The following RIMBP2 variants were observed in gnomAD, a reference collection of about 807,000 sequenced individuals.
The protein encoded by RIMBP2 is RIMS-binding protein 2.
A neutral mutation model predicts 118.6 loss-of-function variants in RIMBP2; 48 were observed. That is an observed-to-expected ratio of 0.40 (90% CI 0.32 to 0.51). The LOEUF (loss-of-function observed/expected upper bound fraction) is 0.51, where lower values mean the gene tolerates loss of function less well. RIMBP2 is among the 20% of genes least tolerant of loss of function. The probability of loss-of-function intolerance (pLI) is 0.41; values close to 1 mark genes in which losing one functional copy is unlikely to be tolerated. For missense variants in RIMBP2, 1,551 were observed against 1,768.3 expected (o/e 0.88, Z 2.20); for synonymous variants, 762 against 742.9 (o/e 1.03, Z -0.42).
At chr12:130,556,596 G>A (rs531662737) in intron 2 of RIMBP2, among the ~76,000 whole-genome samples, 3 of 152,380 alleles carry the variant, frequency 2.0e-5, no homozygotes, top group Admixed American at 2.0e-4. Flanking sequence ...CACATGGGGA[G>A]ACCCAGGCCA....
chr12:130,473,732 G>C (rs937134996), intron 5 of RIMBP2, among the ~76,000 whole-genome samples: 51 of 152,284 alleles, frequency 3.3e-4, no homozygotes, highest in African/African-American at 1.2e-3. Flanking sequence ...TAATACTCCA[G>C]GAGCACACAG....
intron 1 of RIMBP2, among the ~76,000 whole-genome samples, chr12:130,662,360 C>T (rs1046460018): frequency 3.9e-5 from 6 of 152,104 alleles, no homozygotes; most frequent in Non-Finnish European, 8.8e-5. Flanking sequence ...ACCTGGGAAG[C>T]TTTTAGGAAT....
At position 130,576,943 on chromosome 12, in the gene RIMBP2, G is replaced by A. The variant is rs554902119; in HGVS notation, c.-217+51379C>T. ...TTCTGGACAGAGATGGGGACAAAGA[G>A]AAGCGAAGGGGATGGCCCAGACCTT... On this transcript the variant is annotated intron_variant, in intron 2 of 22. Coordinates refer to ENST00000690449, the MANE Select transcript of RIMBP2 (RefSeq NM_001393629.1). This position sits in a 1 kb window ranked among gnomAD's most constrained non-coding sequence, Gnocchi z 4.2. Among the ~76,000 whole-genome samples, 1 of 152,336 alleles carries A rather than the reference G, an allele frequency of 6.6e-6. No individual in the cohort carries two copies. Among genetic ancestry groups the A allele is most frequent in the African/African-American group, 2.4e-5 (1 of 41,588 alleles).
At chr12:130,445,818 G>A (rs995820802) in intron 9 of RIMBP2, among the ~76,000 whole-genome samples, 2 of 152,176 alleles carry the variant, frequency 1.3e-5, no homozygotes, top group Non-Finnish European at 2.9e-5. Flanking sequence ...ATGTTGGGCA[G>A]TGAGGTTTCT....
At chr12:130,682,410 T>C (rs1226278830) in intron 1 of RIMBP2, among the ~76,000 whole-genome samples, 1 of 152,194 alleles carries the variant, frequency 6.6e-6, no homozygotes, top group East Asian at 1.9e-4. Context: ...AAGGGGGAAA[T>C]GAACGGGCTG....
intron 1 of RIMBP2, among the ~76,000 whole-genome samples, chr12:130,661,372 A>G (rs7965158): frequency 0.54 from 82,064 of 151,672 alleles, 22,801 homozygotes; most frequent in Non-Finnish European, 0.62. Flanking sequence ...AACTAGCCTC[A>G]GCATTGTTGT....
At chr12:130,403,514 G>T (rs1565981203) in intron 21 of RIMBP2, among the ~76,000 whole-genome samples, 1 of 152,154 alleles carries the variant, frequency 6.6e-6, no homozygotes, top group Admixed American at 6.6e-5. Context: ...TTCCTCTGAA[G>T]ATATGTAGAT....
chr12:130,552,850 C>T (rs1457168137), intron 2 of RIMBP2, among the ~76,000 whole-genome samples: 1 of 152,114 alleles, frequency 6.6e-6, no homozygotes, highest in African/African-American at 2.4e-5. Context: ...CAATAGTTAT[C>T]TCAGAGAAAA....
At chr12:130,407,358 G>C (rs987973969) in intron 20 of RIMBP2, among the ~76,000 whole-genome samples, 1 of 152,172 alleles carries the variant, frequency 6.6e-6, no homozygotes, top group Non-Finnish European at 1.5e-5. Context: ...TCTATGTGTG[G>C]GGCCTGACTG....
Position 130,677,350 on chromosome 12 carries a change from G to A in RIMBP2, c.-352+38872C>T, listed in dbSNP as rs545010700. On this transcript the variant is annotated intron_variant, in intron 1 of 22. Coordinates refer to ENST00000690449, the MANE Select transcript of RIMBP2 (RefSeq NM_001393629.1). Reference sequence around the variant, plus strand: ...TTCCATTAAGGTTATCTTTAGGGCCGGGTGCAGTGGCTCACAGCTGTAATC... The same window carrying A: ...TTCCATTAAGGTTATCTTTAGGGCCAGGTGCAGTGGCTCACAGCTGTAATC... Among the ~76,000 whole-genome samples the A allele has an allele frequency of 4.6e-5, 7 of 152,236 alleles. No individual in the cohort carries two copies. The South Asian group carries it at 6.2e-4, about 14-fold the overall frequency.
At chr12:130,413,176 G>A (rs149020050) in intron 18 of RIMBP2, among the ~76,000 whole-genome samples, 30 of 152,280 alleles carry the variant, frequency 2.0e-4, no homozygotes, top group Middle Eastern at 3.4e-3. Flanking sequence ...GGGTTCCTAC[G>A]TAACAAGATA....
intron 4 of RIMBP2, among the ~76,000 whole-genome samples, chr12:130,498,048 G>A (rs2049356581): frequency 6.6e-6 from 1 of 152,228 alleles, no homozygotes; most frequent in Admixed American, 6.5e-5. Context: ...GTGAGCCCCA[G>A]AGAAGCACCT....
At chr12:130,656,669 GT>G (rs2063442851) in intron 1 of RIMBP2, among the ~76,000 whole-genome samples, 1 of 152,050 alleles carries the variant, frequency 6.6e-6, no homozygotes, top group Admixed American at 6.5e-5. Flanking sequence ...CTCCACGTTT[GT>G]CTATCTCTGT....
intron 22 of RIMBP2, chr12:130,398,215 TTTACTC>T (rs981833487): frequency 2.6e-5 from 4 of 152,200 alleles, no homozygotes; most frequent in Non-Finnish European, 4.4e-5. Flanking sequence ...GGGGTAGACT[TTTACTC>T]TAATACGCTG....
At chr12:130,643,992 G>A (rs929041494) in intron 1 of RIMBP2, among the ~76,000 whole-genome samples, 1 of 152,210 alleles carries the variant, frequency 6.6e-6, no homozygotes, top group Non-Finnish European at 1.5e-5. Context: ...CAGAGACAGA[G>A]AGAGATCCCA....
At position 130,647,542 on chromosome 12, in the gene RIMBP2, G is replaced by A. The variant is rs768255514; in HGVS notation, c.-351-19086C>T. On this transcript the variant is annotated intron_variant, in intron 1 of 22. Transcript: ENST00000690449. Reference sequence around the variant, plus strand: ...TCACCTGCACCTAGACCTCAGCTACGGAGAGCGGAGGACTGAGCTCTGAGC... The same window carrying A: ...TCACCTGCACCTAGACCTCAGCTACAGAGAGCGGAGGACTGAGCTCTGAGC... Among the ~76,000 whole-genome samples, 10 of 144,696 alleles carry A rather than the reference G, an allele frequency of 6.9e-5. 1 individual carries two copies. The highest frequency in any genetic ancestry group is 2.1e-4 in the South Asian group (1 of 4,692). 94.9% of individuals were successfully genotyped at this position (144,696 alleles called of 152,430 possible).
chr12:130,476,748 T>A (rs1277333635), intron 5 of RIMBP2, among the ~76,000 whole-genome samples: 1 of 152,218 alleles, frequency 6.6e-6, no homozygotes, highest in African/African-American at 2.4e-5. Context: ...CTTGCCATCA[T>A]CTGGGCTTAC....
intron 1 of RIMBP2, among the ~76,000 whole-genome samples, chr12:130,674,952 C>T (rs1485850651): frequency 6.6e-6 from 1 of 152,198 alleles, no homozygotes; most frequent in Admixed American, 6.5e-5. Context: ...TTCCTTTTCG[C>T]GGCTGAATCA....
chr12:130,415,959 C>CCACACACA (rs34091063), intron 17 of RIMBP2, among the ~76,000 whole-genome samples: 93 of 81,570 alleles, frequency 1.1e-3, no homozygotes, highest in African/African-American at 5.4e-3. Context: ...TTGACAATAG[C>CCACACACA]CACACACACA....
Sources: gnomAD v4.1 joint callset for allele counts (sites outside exome capture counted in the v4.1 genomes callset) on GRCh38, gnomAD v4.1.1 for gene constraint, Gnocchi (gnomAD v3.1) non-coding constraint, MANE v1.5 for transcripts, NCBI Gene and HGNC (gene_info 2026-07-23, HGNC 2026-07-21) for gene names.